FUT9: variants seen among roughly 807,000 people sequenced by gnomAD.
FUT9 encodes the protein fucosyltransferase 9, also known as 4-galactosyl-N-acetylglucosaminide 3-alpha-L-fucosyltransferase 9.
A neutral mutation model predicts 29.7 loss-of-function variants in FUT9; 15 were observed. The ratio of observed to expected loss-of-function variants is 0.51; its 90% CI spans 0.34 to 0.78. The LOEUF is 0.78. Among genes scored for constraint, FUT9 ranks in the 30% least tolerant of loss-of-function variants. FUT9 has a pLI of 0.01. For missense variants in FUT9, 319 were observed against 425.4 expected, an observed-to-expected ratio of 0.75 and a Z score of 2.20; for synonymous variants, 169 against 153.7, an observed-to-expected ratio of 1.10 and a Z score of -0.74.
chr6:96,052,736 A>G (rs779611836), intron 1 of FUT9, among the ~76,000 whole-genome samples: 3 of 152,162 alleles, frequency 2.0e-5, no homozygotes, highest in Non-Finnish European at 2.9e-5. Context: ...TGACTACACT[A>G]TAATTAAAAG....
rs62417731 is a variant in FUT9 at position 96,159,167 on chromosome 6, T to C, written c.-8-43981T>C. Among the ~76,000 whole-genome samples, 301 of 152,318 alleles carry C rather than the reference T, an allele frequency of 2.0e-3. 2 individuals carry two copies. The highest frequency in any genetic ancestry group is 0.012 in the South Asian group (60 of 4,834). ...ATAAAGAGCTACAGAAATCGTATTT[T>C]TACAAATGTATTCCTTTCATTTGCA... On this transcript the variant is annotated intron_variant, in intron 2 of 2. Transcript: ENST00000302103.
At chr6:96,016,538 T>G (rs6934593) in intron 1 of FUT9, among the ~76,000 whole-genome samples, 41 of 152,184 alleles carry the variant, frequency 2.7e-4, no homozygotes, top group African/African-American at 9.9e-4. Flanking sequence ...CTACTGTTAC[T>G]GTCCCTGCGT....
At chr6:96,039,738 G>A (rs1013745653) in intron 1 of FUT9, among the ~76,000 whole-genome samples, 3 of 152,078 alleles carry the variant, frequency 2.0e-5, no homozygotes, top group Non-Finnish European at 4.4e-5. Context: ...AGATAGCAGA[G>A]GACAGAGACC....
At chr6:96,028,825 A>G (rs1770211461) in intron 1 of FUT9, among the ~76,000 whole-genome samples, 1 of 151,640 alleles carries the variant, frequency 6.6e-6, no homozygotes, top group Admixed American at 6.6e-5. Flanking sequence ...CATACTTTCC[A>G]TGATAATATG....
chr6:96,195,413 T>C (rs957512390), intron 2 of FUT9, among the ~76,000 whole-genome samples: 1 of 152,118 alleles, frequency 6.6e-6, no homozygotes, highest in Non-Finnish European at 1.5e-5. Flanking sequence ...TAAGGATCTT[T>C]GAGAAAGGTT....
At chr6:96,039,591 A>G (rs1275695330) in intron 1 of FUT9, among the ~76,000 whole-genome samples, 1 of 152,022 alleles carries the variant, frequency 6.6e-6, no homozygotes, top group Non-Finnish European at 1.5e-5. Context: ...TCCAGGTCTC[A>G]ACTCAAGCAT....
chr6:96,132,297 G>A (rs1481014310), intron 2 of FUT9, among the ~76,000 whole-genome samples: 1 of 105,116 alleles, frequency 9.5e-6, no homozygotes, highest in Admixed American at 8.3e-5. Context: ...AACAAAGGTT[G>A]AAAGAACATA....
At chr6:96,031,006 C>T (rs555419228) in intron 1 of FUT9, among the ~76,000 whole-genome samples, 6 of 151,604 alleles carry the variant, frequency 4.0e-5, no homozygotes, top group African/African-American at 1.4e-4. Context: ...TCTGGATATA[C>T]ACTGGTGGTT....
At chr6:96,141,221 A>C (rs1772456520) in intron 2 of FUT9, among the ~76,000 whole-genome samples, 1 of 152,222 alleles carries the variant, frequency 6.6e-6, no homozygotes, top group Admixed American at 6.5e-5. Flanking sequence ...CTTTTACAAT[A>C]TTAATCTTAA....
chr6:96,185,032 A>C (rs1324607744), intron 2 of FUT9, among the ~76,000 whole-genome samples: 1 of 152,054 alleles, frequency 6.6e-6, no homozygotes, highest in East Asian at 1.9e-4. Flanking sequence ...TATGTTAACA[A>C]GGAGATTAGA....
Position 96,204,435 on chromosome 6 carries a change from A to G in FUT9, c.*200A>G, listed in dbSNP as rs1414978131. 2.7e-6 allele frequency: 1 copy of G among 377,016 alleles called. No individual in the cohort carries two copies. Among genetic ancestry groups the G allele is most frequent in the Non-Finnish European group, 4.9e-6 (1 of 202,482 alleles). The allele number at this position is 377,016 out of a possible 1,614,324, so 23.4% of individuals were successfully genotyped here. A position where few individuals can be genotyped will look rare whatever the true frequency, so the allele number is the denominator to read the frequency against. On this transcript the variant is annotated 3_prime_UTR_variant, in exon 3 of 3. Transcript: ENST00000302103. ...TCCATTCGGTTTTAAATTATCCTGT[A>G]TATACCTAATTATGTGCACTGGAGA...
chr6:96,030,518 A>G (rs1310524381), intron 1 of FUT9, among the ~76,000 whole-genome samples: 1 of 151,614 alleles, frequency 6.6e-6, no homozygotes, highest in Non-Finnish European at 1.5e-5. Context: ...ACACTGGTAC[A>G]TTGCTGGAAG....
chr6:96,171,446 C>T (rs1773111078), intron 2 of FUT9, among the ~76,000 whole-genome samples: 1 of 152,288 alleles, frequency 6.6e-6, no homozygotes, highest in South Asian at 2.1e-4. Flanking sequence ...CATCACACCA[C>T]ATAAACAGGG....
intron 1 of FUT9, among the ~76,000 whole-genome samples, chr6:96,019,193 A>G (rs1267954038): frequency 6.6e-6 from 1 of 152,008 alleles, no homozygotes; most frequent in Non-Finnish European, 1.5e-5. Flanking sequence ...AATACCTTAA[A>G]AAAAGCACAC....
Position 96,041,272 on chromosome 6 carries a change from T to A in FUT9, c.-98+25060T>A, listed in dbSNP as rs551698800. Among the ~76,000 whole-genome samples, 241 of 152,126 alleles carry A rather than the reference T, an allele frequency of 1.6e-3. 1 individual carries two copies. Among genetic ancestry groups the A allele is most frequent in the Non-Finnish European group, 2.8e-3 (190 of 68,010 alleles). On this transcript the variant is annotated intron_variant, in intron 1 of 2. Transcript: ENST00000302103. ...AATATTTTATATATTGAATTCTTAT[T>A]TAAGTGTTCTGAAGCTAAGAAATTC...
rs578182999 is a variant in FUT9 at position 96,064,040 on chromosome 6, T to C, written c.-98+47828T>C. ...ATCCCCATCGATCTAGAACTTATAA[T>C]GTCACAATTGCTACCAAAGTTCACA... is the stretch of plus-strand genomic sequence containing the variant. On this transcript the variant is annotated intron_variant, in intron 1 of 2. Transcript: ENST00000302103. Among the ~76,000 whole-genome samples the C allele has an allele frequency of 7.2e-5, 11 of 152,276 alleles. No individual in the cohort carries two copies. In the South Asian group the frequency reaches 2.3e-3, roughly 32 times the overall value.
intron 2 of FUT9, among the ~76,000 whole-genome samples, chr6:96,195,040 T>G (rs1048185388): frequency 1.3e-5 from 2 of 151,966 alleles, no homozygotes; most frequent in Non-Finnish European, 2.9e-5. Context: ...AAGATCAAAC[T>G]AAAAGAGGCT....
intron 2 of FUT9, among the ~76,000 whole-genome samples, chr6:96,187,284 A>G (rs1204590888): frequency 6.6e-6 from 1 of 152,130 alleles, no homozygotes; most frequent in Non-Finnish European, 1.5e-5. Context: ...AGCCACTGAA[A>G]CCAGCAAGAA....
Position 96,203,776 on chromosome 6 carries a change from T to G in FUT9, c.621T>G (p.Asn207Lys). The change falls in exon 3 of 3, where the codon AAT (asparagine) becomes AAG (lysine). Residue 207 changes from asparagine (N) to lysine (K), a missense_variant. Transcript: ENST00000302103. ...NPEHARVKYY[N>K]ELSKSIEIHT... is the part of the protein sequence containing the mutation. ...AGCATGCCAGAGTCAAGTATTACAA[T>G]GAGCTAAGCAAAAGCATTGAAATCC... 1 of 1,614,026 alleles carries G rather than the reference T, an allele frequency of 6.2e-7. No individual in the cohort carries two copies. The highest frequency in any genetic ancestry group is 1.1e-5 in the South Asian group (1 of 91,082).
Sources: gnomAD v4.1 joint callset for allele counts (sites outside exome capture counted in the v4.1 genomes callset) on GRCh38, gnomAD v4.1.1 for gene constraint, MANE v1.5 for transcripts, NCBI Gene and HGNC (gene_info 2026-07-23, HGNC 2026-07-21) for gene names.